Variants in LRRTM4 observed in about 807,000 individuals in gnomAD.
LRRTM4 encodes the protein leucine-rich repeat transmembrane neuronal protein 4.
A neutral mutation model predicts 47.6 loss-of-function variants in LRRTM4; 25 were observed. The observed-to-expected ratio is 0.53, with a 90% CI of 0.38 to 0.73. The LOEUF (loss-of-function observed/expected upper bound fraction) is 0.73. Ranked by LOEUF, LRRTM4 falls within the 30% of genes least tolerant of loss-of-function variation. The probability of loss-of-function intolerance (pLI) is 0.00; values close to 1 mark genes in which losing one functional copy is unlikely to be tolerated. For synonymous variants in LRRTM4, 311 were observed against 269.5 expected (o/e 1.15, Z -1.51); for missense variants, 638 against 713.4 (o/e 0.89, Z 1.20).
intron 3 of LRRTM4, among the ~76,000 whole-genome samples, chr2:77,512,728 A>G (rs1679067944): frequency 6.6e-6 from 1 of 152,104 alleles, no homozygotes; most frequent in Admixed American, 6.6e-5. Flanking sequence ...TACATTTTAT[A>G]AACACAGAAA....
intron 3 of LRRTM4, among the ~76,000 whole-genome samples, chr2:77,389,264 A>G (rs1170162209): frequency 6.6e-6 from 1 of 152,104 alleles, no homozygotes; most frequent in Non-Finnish European, 1.5e-5. Context: ...AGATAATTAA[A>G]AGGGCTGAAA....
chr2:77,019,307 G>GCTTACTGATA (rs1456154338), intron 3 of LRRTM4, among the ~76,000 whole-genome samples: 2 of 148,538 alleles, frequency 1.3e-5, no homozygotes, highest in Non-Finnish European at 3.0e-5. Flanking sequence ...TATTGACCCT[G>GCTTACTGATA]CTTACTGATA....
intron 3 of LRRTM4, among the ~76,000 whole-genome samples, chr2:77,501,181 AT>A (rs1275675641): frequency 1.1e-4 from 16 of 150,544 alleles, no homozygotes; most frequent in African/African-American, 2.9e-4. Flanking sequence ...CTGGATGGAA[AT>A]AATACCCCAA....
chr2:77,055,579 T>A (rs1265602063), intron 3 of LRRTM4, among the ~76,000 whole-genome samples: 1 of 152,178 alleles, frequency 6.6e-6, no homozygotes, highest in South Asian at 2.1e-4. Context: ...GGAACACTTT[T>A]ACACTGTTGG....
intron 3 of LRRTM4, among the ~76,000 whole-genome samples, chr2:77,206,243 A>T (rs1399433561): frequency 6.6e-6 from 1 of 150,644 alleles, no homozygotes; most frequent in Admixed American, 6.6e-5. Flanking sequence ...AGGTGGTGCA[A>T]TCTTTGCTCC....
Position 77,362,115 on chromosome 2 carries a change from G to GAGAAAGAAAGAAAGAAAGAAAGAAAGAA in LRRTM4, c.1551+156175_1551+156202dup, listed in dbSNP as rs1230993221. 3.3e-4 allele frequency among the ~76,000 whole-genome samples: 33 copies of GAGAAAGAAAGAAAGAAAGAAAGAAAGAA among 98,838 alleles called. 1 individual carries two copies. The highest frequency in any genetic ancestry group is 4.5e-4 in the Non-Finnish European group (23 of 51,550). The allele number at this position is 98,838 out of a possible 152,430, so 64.8% of individuals were successfully genotyped here. A position where few individuals can be genotyped will look rare whatever the true frequency, so the allele number is the denominator to read the frequency against. On this transcript the variant is annotated intron_variant, in intron 3 of 3. Transcript: ENST00000409884. ...AAAAGGAAAAGGAAAGAAAGAAAGAGAGAAAGAAAGAAAGAAAGAAAGAAA... is the reference window on the plus strand; with the variant it reads ...AAAAGGAAAAGGAAAGAAAGAAAGAGAGAAAGAAAGAAAGAAAGAAAGAAAGAAAGAAAGAAAGAAAGAAAGAAAGAAA...
chr2:76,957,528 G>C (rs1456037801), intron 3 of LRRTM4, among the ~76,000 whole-genome samples: 2 of 151,620 alleles, frequency 1.3e-5, no homozygotes, highest in Non-Finnish European at 3.0e-5. Context: ...ATTTACTGGA[G>C]ATTCTATTTA....
intron 3 of LRRTM4, among the ~76,000 whole-genome samples, chr2:77,382,668 T>A (rs1049355341): frequency 6.6e-6 from 1 of 152,136 alleles, no homozygotes; most frequent in Non-Finnish European, 1.5e-5. Context: ...GACGATAAAA[T>A]GACCTTTTAC....
intron 3 of LRRTM4, among the ~76,000 whole-genome samples, chr2:76,796,813 G>C (rs1262630086): frequency 2.0e-5 from 3 of 151,848 alleles, no homozygotes; most frequent in Non-Finnish European, 2.9e-5. Context: ...ACTTTGACAA[G>C]CTGAGTGAAG....
chr2:76,750,216 A>G lies in LRRTM4; in HGVS notation c.1552-1300T>C, dbSNP rs565622842. Among the ~76,000 whole-genome samples the G allele has an allele frequency of 2.6e-5, 4 of 152,242 alleles. 1 individual carries two copies. Among genetic ancestry groups the G allele is most frequent in the African/African-American group, 9.6e-5 (4 of 41,522 alleles). On this transcript the variant is annotated intron_variant, in intron 3 of 3. Transcript: ENST00000409884. Reference sequence around the variant, plus strand: ...GCAGCAGGTGCTGCCTCTTTGTAGTATTTCCAACATTTGCAGTATATCCAA... The same window carrying G: ...GCAGCAGGTGCTGCCTCTTTGTAGTGTTTCCAACATTTGCAGTATATCCAA...
chr2:77,041,540 G>C (rs989960323), intron 3 of LRRTM4, among the ~76,000 whole-genome samples: 1 of 151,478 alleles, frequency 6.6e-6, no homozygotes, highest in African/African-American at 2.4e-5. Flanking sequence ...CAATGTATAA[G>C]AATTTGCCCT....
intron 3 of LRRTM4, among the ~76,000 whole-genome samples, chr2:76,978,713 G>A (rs1041454207): frequency 1.3e-5 from 2 of 152,030 alleles, no homozygotes; most frequent in Non-Finnish European, 2.9e-5. Flanking sequence ...TGCATAGCGA[G>A]CCGCTGAACA....
At chr2:76,968,850 G>A (rs1348993376) in intron 3 of LRRTM4, among the ~76,000 whole-genome samples, 1 of 151,594 alleles carries the variant, frequency 6.6e-6, no homozygotes, top group East Asian at 2.0e-4. Context: ...ATTGATTTGT[G>A]GCTTCCTTTT....
chr2:77,111,768 A>G (rs1671259545), intron 3 of LRRTM4, among the ~76,000 whole-genome samples: 1 of 152,170 alleles, frequency 6.6e-6, no homozygotes, highest in African/African-American at 2.4e-5. Context: ...GCAATTTGAC[A>G]TGCTGAAGTA....
chr2:77,260,038 T>C (rs1171170159), intron 3 of LRRTM4, among the ~76,000 whole-genome samples: 4 of 152,180 alleles, frequency 2.6e-5, no homozygotes, highest in African/African-American at 9.6e-5. Flanking sequence ...AGGTTTTAGA[T>C]GTAAATTAAA....
chr2:77,282,770 T>C (rs1398560795), intron 3 of LRRTM4, among the ~76,000 whole-genome samples: 1 of 151,906 alleles, frequency 6.6e-6, no homozygotes, highest in Admixed American at 6.6e-5. Flanking sequence ...ATAAATGGTG[T>C]TGAGATAGCT....
intron 3 of LRRTM4, among the ~76,000 whole-genome samples, chr2:76,962,476 T>C (rs1675892515): frequency 6.6e-6 from 1 of 150,996 alleles, no homozygotes; most frequent in South Asian, 2.1e-4. Flanking sequence ...AGGTATATGA[T>C]TATTTACTAT....
At chr2:76,872,103 A>G (rs1238854453) in intron 3 of LRRTM4, among the ~76,000 whole-genome samples, 3 of 152,170 alleles carry the variant, frequency 2.0e-5, no homozygotes, top group African/African-American at 7.2e-5. Flanking sequence ...TAAATTTGTG[A>G]TAATTTGTTA....
chr2:76,948,894 A>G (rs1675409782), intron 3 of LRRTM4, among the ~76,000 whole-genome samples: 2 of 151,904 alleles, frequency 1.3e-5, no homozygotes, highest in Admixed American at 1.3e-4. Flanking sequence ...GAAGGAATAT[A>G]CATTTGGTGG....
Sources: gnomAD v4.1 joint callset for allele counts (sites outside exome capture counted in the v4.1 genomes callset) on GRCh38, gnomAD v4.1.1 for gene constraint, MANE v1.5 for transcripts, NCBI Gene and HGNC (gene_info 2026-07-23, HGNC 2026-07-21) for gene names.